Variants in WWC1 observed in about 807,000 individuals in gnomAD.
WWC1 encodes the protein protein KIBRA.
In WWC1, 55 loss-of-function variants were observed where a neutral mutation model predicts 138.4. That is an observed-to-expected ratio of 0.40 (90% CI 0.32 to 0.50). The LOEUF is 0.50. Among genes scored for constraint, WWC1 ranks in the 20% least tolerant of loss-of-function variants. The probability of loss-of-function intolerance (pLI) is 0.72; values close to 1 mark genes in which losing one functional copy is unlikely to be tolerated. For missense variants in WWC1, 1,226 were observed against 1,420.4 expected, an observed-to-expected ratio of 0.86 and a Z score of 2.20; for synonymous variants, 524 against 564.9, an observed-to-expected ratio of 0.93 and a Z score of 1.03.
chr5:168,396,573 T>C lies in WWC1; in HGVS notation c.434-1151T>C, dbSNP rs139607716. On this transcript the variant is annotated intron_variant, in intron 3 of 22. Coordinates refer to ENST00000265293, the MANE Select transcript of WWC1 (RefSeq NM_015238.3). ...CCGACCAAGAATAACTGTTCTTTTC[T>C]GAACAGTGGGGTTGTGTTTACCTTA... Among the ~76,000 whole-genome samples the C allele has an allele frequency of 7.0e-3, 1,064 of 152,312 alleles. 9 individuals carry two copies. The highest frequency in any genetic ancestry group is 0.025 in the African/African-American group (1,034 of 41,556).
intron 6 of WWC1, among the ~76,000 whole-genome samples, chr5:168,407,022 GCTCAAGAGA>G (rs1381288334): frequency 6.6e-6 from 1 of 152,062 alleles, no homozygotes; most frequent in Non-Finnish European, 1.5e-5. Flanking sequence ...TAACTCCTGG[GCTCAAGAGA>G]TTCTCCCACC....
At chr5:168,403,096 C>CTTTTCTTTCT (rs765284380) in intron 5 of WWC1, among the ~76,000 whole-genome samples, 8 of 101,452 alleles carry the variant, frequency 7.9e-5, no homozygotes, top group African/African-American at 1.8e-4. Flanking sequence ...TCTTTTCTTT[C>CTTTTCTTTCT]TTTCTTTCTT....
chr5:168,297,303 G>T (rs1261618716), intron 1 of WWC1, among the ~76,000 whole-genome samples: 1 of 152,158 alleles, frequency 6.6e-6, no homozygotes, highest in Non-Finnish European at 1.5e-5. Flanking sequence ...CTTTCTGTTC[G>T]TGAAATCCAG....
intron 1 of WWC1, among the ~76,000 whole-genome samples, chr5:168,334,488 G>A (rs1335415829): frequency 6.6e-6 from 1 of 152,126 alleles, no homozygotes; most frequent in Non-Finnish European, 1.5e-5. Context: ...TCAGCCCTGA[G>A]TTTAATCACA....
In WWC1 at chr5:168,423,542, C is replaced by A; in HGVS notation, c.1284C>A (p.Ser428Arg). 1 of 1,610,620 alleles carries A rather than the reference C, an allele frequency of 6.2e-7. No homozygotes were observed. The highest frequency in any genetic ancestry group is 8.5e-7 in the Non-Finnish European group (1 of 1,178,438). The change falls in exon 11 of 23, where the codon AGC (serine) becomes AGA (arginine). Residue 428 changes from serine (S) to arginine (R), a missense_variant. Ser to Arg is a moderately radical substitution (Grantham distance 110). Transcript: ENST00000265293. The part of the protein sequence containing the change: ...TLHSQLKSLS[S>R]SMQSLSSGSS... ...CCTCCCTGTGTCCCAGTCTCTCAAG[C>A]AGCATGCAGTCCCTGTCCTCAGGCA...
intron 1 of WWC1, among the ~76,000 whole-genome samples, chr5:168,321,276 G>A (rs1365585554): frequency 2.6e-5 from 4 of 152,126 alleles, no homozygotes; most frequent in Non-Finnish European, 4.4e-5. Context: ...GGAAGAACCA[G>A]GTTCTTTTTC....
chr5:168,304,680 C>T (rs1405982407), intron 1 of WWC1, among the ~76,000 whole-genome samples: 2 of 152,260 alleles, frequency 1.3e-5, no homozygotes, highest in East Asian at 1.9e-4. Flanking sequence ...CTGCTGCCCA[C>T]TCAAGTCTGT....
chr5:168,438,992 A>C (rs1299858183), intron 15 of WWC1, among the ~76,000 whole-genome samples: 2 of 152,122 alleles, frequency 1.3e-5, no homozygotes, highest in African/African-American at 4.8e-5. Context: ...CATCTATCCT[A>C]TATAGGTGAC....
intron 17 of WWC1, among the ~76,000 whole-genome samples, chr5:168,452,351 G>A (rs1755907843): frequency 6.6e-6 from 1 of 152,180 alleles, no homozygotes; most frequent in Admixed American, 6.5e-5. Flanking sequence ...TTTGGAGGTA[G>A]GGCTTTTAAA....
chr5:168,292,330 C>T lies in WWC1; in HGVS notation c.119+59C>T, dbSNP rs1769122397. 3 of 1,528,142 alleles carry T rather than the reference C, an allele frequency of 2.0e-6. No individual in the cohort carries two copies. Among genetic ancestry groups the T allele is most frequent in the East Asian group, 2.6e-5 (1 of 39,096 alleles). 94.7% of individuals were successfully genotyped at this position (1,528,142 alleles called of 1,614,324 possible). A position where few individuals can be genotyped will look rare whatever the true frequency, so the allele number is the denominator to read the frequency against. ...ACCCCCGCCTGGGCCCCCACCTGCCCCTGGAGCCGCCGGCCGGGACTGGGA... is the reference window on the plus strand; with the variant it reads ...ACCCCCGCCTGGGCCCCCACCTGCCTCTGGAGCCGCCGGCCGGGACTGGGA... On this transcript the variant is annotated intron_variant, in intron 1 of 22. Coordinates refer to ENST00000265293, the MANE Select transcript of WWC1 (RefSeq NM_015238.3). The surrounding 1 kb of genome is among the most constrained non-coding windows in gnomAD (Gnocchi z 4.4).
intron 18 of WWC1, among the ~76,000 whole-genome samples, chr5:168,455,155 G>C (rs529312962): frequency 5.3e-5 from 8 of 152,190 alleles, no homozygotes; most frequent in Non-Finnish European, 1.0e-4. Flanking sequence ...GGAGGGGTAG[G>C]GGTCGGCACA....
chr5:168,470,716 C>G lies in WWC1; in HGVS notation c.*1699C>G, dbSNP rs146575614. ...GGGCGTAGTGGCGCATACCTGTAAT[C>G]CCAGCTACTTGGGTGGCCAAGGCTT... is the stretch of plus-strand genomic sequence containing the variant. On this transcript the variant is annotated 3_prime_UTR_variant, in exon 23 of 23. Coordinates refer to ENST00000265293, the MANE Select transcript of WWC1 (RefSeq NM_015238.3). The G allele has an allele frequency of 6.6e-6, 1 of 152,190 alleles. No homozygotes were observed. Among genetic ancestry groups the G allele is most frequent in the Non-Finnish European group, 1.5e-5 (1 of 68,104 alleles). The allele number at this position is 152,190 out of a possible 1,614,324, so 9.4% of individuals were successfully genotyped here. A position where few individuals can be genotyped will look rare whatever the true frequency, so the allele number is the denominator to read the frequency against.
Position 168,441,661 on chromosome 5 carries a change from CCTT to C in WWC1, c.2281-20_2281-18del, listed in dbSNP as rs752101373. Reference sequence around the variant, plus strand: ...TCCCCCCCACCGCCACTTATGTTCTCCTTGTTTCCATCCCCAACAGGGAGGCGC... The same window carrying C: ...TCCCCCCCACCGCCACTTATGTTCTCGTTTCCATCCCCAACAGGGAGGCGC... On this transcript the variant is annotated intron_variant, in intron 15 of 22. Transcript: ENST00000265293. The C allele has an allele frequency of 6.2e-7, 1 of 1,612,440 alleles. No homozygotes were observed. The highest frequency in any genetic ancestry group is 8.5e-7 in the Non-Finnish European group (1 of 1,179,124).
intron 6 of WWC1, 138 bp from the exon 7 acceptor site, chr5:168,408,369 A>C: frequency 9.9e-7 from 1 of 1,007,430 alleles, no homozygotes; most frequent in Non-Finnish European, 1.4e-6. Flanking sequence ...GCTCTCTATC[A>C]CAGGATCAGT....
intron 9 of WWC1, 73 bp downstream of exon 9, chr5:168,414,663 A>C: frequency 6.8e-7 from 1 of 1,471,836 alleles, no homozygotes. Flanking sequence ...CAGATGGGGG[A>C]AGAATGAGGG....
intron 1 of WWC1, among the ~76,000 whole-genome samples, chr5:168,301,638 CAAAAAAA>C (rs778792626): frequency 1.0e-5 from 1 of 99,866 alleles, no homozygotes; most frequent in African/African-American, 3.6e-5. Context: ...AACTTCGTCT[CAAAAAAA>C]AAAAAAAAAA....
At chr5:168,372,568 T>C (rs1776844623) in intron 2 of WWC1, among the ~76,000 whole-genome samples, 1 of 152,200 alleles carries the variant, frequency 6.6e-6, no homozygotes, top group African/African-American at 2.4e-5. Context: ...ATAGGCATTA[T>C]CTCTTTTAAT....
At position 168,414,560 on chromosome 5, in the gene WWC1, G is replaced by A. The variant is rs754788936; in HGVS notation, c.1154G>A (p.Arg385Gln). 4 of 1,553,070 alleles carry A rather than the reference G, an allele frequency of 2.6e-6. No homozygotes were observed. The highest frequency in any genetic ancestry group is 1.4e-5 in the African/African-American group (1 of 73,292). Reference sequence around the variant, plus strand: ...CTGGAAAAGGACCTGCAGGCAGCCCGGGACACCCAGAGCAAGGCGCTGACG... The same window carrying A: ...CTGGAAAAGGACCTGCAGGCAGCCCAGGACACCCAGAGCAAGGCGCTGACG... ...KRLEKDLQAA[R>Q]DTQSKALTER... The change falls in exon 9 of 23, where the codon CGG becomes CAG. Residue 385 changes from arginine to glutamine, a missense_variant. Transcript: ENST00000265293.
intron 17 of WWC1, among the ~76,000 whole-genome samples, chr5:168,445,098 G>A (rs778724112): frequency 2.3e-4 from 35 of 149,816 alleles, no homozygotes; most frequent in African/African-American, 5.2e-4. Flanking sequence ...GGTGGATCAC[G>A]ACGTCAGGAG....
Sources: gnomAD v4.1 joint callset for allele counts (sites outside exome capture counted in the v4.1 genomes callset) on GRCh38, gnomAD v4.1.1 for gene constraint, Gnocchi (gnomAD v3.1) non-coding constraint, MANE v1.5 for transcripts, NCBI Gene and HGNC (gene_info 2026-07-23, HGNC 2026-07-21) for gene names.